The following PITPNC1 variants were observed in gnomAD, a reference collection of about 807,000 sequenced individuals.
The protein encoded by PITPNC1 is cytoplasmic phosphatidylinositol transfer protein 1.
A neutral mutation model predicts 44.7 loss-of-function variants in PITPNC1; 18 were observed. The observed-to-expected ratio is 0.40, with a 90% CI of 0.28 to 0.60. The LOEUF (loss-of-function observed/expected upper bound fraction) is 0.60, where lower values mean the gene tolerates loss of function less well. PITPNC1 is among the 20% of genes least tolerant of loss of function. The pLI is 0.39. For missense variants in PITPNC1, 290 were observed against 418.4 expected (o/e 0.69, Z 2.68); for synonymous variants, 141 against 149.6 (o/e 0.94, Z 0.42).
intron 6 of PITPNC1, among the ~76,000 whole-genome samples, chr17:67,654,776 G>C (rs2042245248): frequency 1.3e-5 from 2 of 152,280 alleles, no homozygotes; most frequent in South Asian, 4.1e-4. Context: ...GGGACAACAG[G>C]AGCGCGCCAC....
intron 1 of PITPNC1, among the ~76,000 whole-genome samples, chr17:67,518,675 G>A (rs927047721): frequency 2.0e-5 from 3 of 152,192 alleles, no homozygotes; most frequent in Admixed American, 6.5e-5. Context: ...AAAGGAAAAT[G>A]ATGGGCCAGC....
In PITPNC1 at chr17:67,694,592, T is replaced by C. The variant is rs1259831098; in HGVS notation, c.*1704T>C. On this transcript the variant is annotated 3_prime_UTR_variant, in exon 9 of 9. Coordinates refer to ENST00000581322, the MANE Select transcript of PITPNC1 (RefSeq NM_012417.4). Reference sequence around the variant, plus strand: ...CATAGGTCAGACTGTCAAGATCATTTCTTTATCTATAGGTTGATATTTAGC... The same window carrying C: ...CATAGGTCAGACTGTCAAGATCATTCCTTTATCTATAGGTTGATATTTAGC... The C allele has an allele frequency of 6.6e-6, 1 of 152,184 alleles. No homozygotes were observed. Among genetic ancestry groups the C allele is most frequent in the African/African-American group, 2.4e-5 (1 of 41,452 alleles). 9.4% of individuals were successfully genotyped at this position (152,184 alleles called of 1,614,324 possible).
intron 2 of PITPNC1, among the ~76,000 whole-genome samples, chr17:67,547,608 G>A (rs911723971): frequency 6.6e-6 from 1 of 152,146 alleles, no homozygotes; most frequent in Non-Finnish European, 1.5e-5. Flanking sequence ...ATTTAGACAC[G>A]TTTGGCCTAA....
chr17:67,442,244 T>TATATATATAC, intron 1 of PITPNC1, among the ~76,000 whole-genome samples: 1 of 122,592 alleles, frequency 8.2e-6, no homozygotes, highest in South Asian at 2.5e-4. Context: ...TATATATATA[T>TATATATATAC]ATATGCATGA....
intron 6 of PITPNC1, among the ~76,000 whole-genome samples, chr17:67,647,538 G>C (rs1007722460): frequency 3.2e-5 from 4 of 126,910 alleles, no homozygotes; most frequent in Non-Finnish European, 6.2e-5. Flanking sequence ...GGCTGGTCTC[G>C]AGCTCCTCAG....
chr17:67,423,322 G>A (rs1238427190), intron 1 of PITPNC1, among the ~76,000 whole-genome samples: 1 of 152,172 alleles, frequency 6.6e-6, no homozygotes, highest in Non-Finnish European at 1.5e-5. Flanking sequence ...TTGGAAACAT[G>A]GTGTGTTGGA....
At chr17:67,513,994 A>C (rs1239638397) in intron 1 of PITPNC1, among the ~76,000 whole-genome samples, 1 of 151,378 alleles carries the variant, frequency 6.6e-6, no homozygotes, top group Non-Finnish European at 1.5e-5. Context: ...CTCCATGATC[A>C]GGGAAAGCAA....
intron 1 of PITPNC1, among the ~76,000 whole-genome samples, chr17:67,399,890 T>C (rs2038281808): frequency 6.6e-6 from 1 of 152,200 alleles, no homozygotes; most frequent in Non-Finnish European, 1.5e-5. Context: ...AGTCAGTCCT[T>C]GCTGTGTGAT....
At chr17:67,403,407 T>C (rs748164407) in intron 1 of PITPNC1, among the ~76,000 whole-genome samples, 4 of 152,204 alleles carry the variant, frequency 2.6e-5, no homozygotes, top group Non-Finnish European at 4.4e-5. Flanking sequence ...CAGTTTAAGA[T>C]TATAATTTTG....
chr17:67,633,799 C>T (rs2041999127), intron 6 of PITPNC1, among the ~76,000 whole-genome samples: 2 of 152,246 alleles, frequency 1.3e-5, no homozygotes, highest in African/African-American at 4.8e-5. Flanking sequence ...GCCTCGGGCC[C>T]CCCCGGGCTG....
chr17:67,410,445 G>A (rs569743261), intron 1 of PITPNC1, among the ~76,000 whole-genome samples: 7 of 152,190 alleles, frequency 4.6e-5, no homozygotes, highest in South Asian at 2.1e-4. Flanking sequence ...GTGCAGTGGC[G>A]CAATCACAGC....
chr17:67,688,206 C>T (rs534347388), intron 8 of PITPNC1, among the ~76,000 whole-genome samples: 22 of 151,350 alleles, frequency 1.5e-4, no homozygotes, highest in Admixed American at 1.2e-3. Flanking sequence ...GGTGTGGTGG[C>T]GCATGCCTGT....
intron 1 of PITPNC1, among the ~76,000 whole-genome samples, chr17:67,390,545 A>T (rs554523986): frequency 6.6e-6 from 1 of 152,378 alleles, no homozygotes; most frequent in South Asian, 2.1e-4. Flanking sequence ...AGATGGTTCC[A>T]CATGGCACGT....
chr17:67,571,174 T>C (rs568663365), intron 4 of PITPNC1, among the ~76,000 whole-genome samples: 1 of 152,324 alleles, frequency 6.6e-6, no homozygotes, highest in East Asian at 1.9e-4. Flanking sequence ...CTCATGCCTA[T>C]AATACCAGCA....
chr17:67,401,406 C>G (rs2038309018), intron 1 of PITPNC1, among the ~76,000 whole-genome samples: 1 of 152,160 alleles, frequency 6.6e-6, no homozygotes, highest in South Asian at 2.1e-4. Flanking sequence ...AATACAACCT[C>G]TATGATTTTC....
At chr17:67,447,270 C>G (rs1232960426) in intron 1 of PITPNC1, among the ~76,000 whole-genome samples, 1 of 151,680 alleles carries the variant, frequency 6.6e-6, no homozygotes, top group East Asian at 1.9e-4. Flanking sequence ...GATGGAGGCC[C>G]TTTGCTTTGG....
intron 1 of PITPNC1, among the ~76,000 whole-genome samples, chr17:67,413,395 G>T (rs1021017783): frequency 1.6e-5 from 1 of 63,888 alleles, no homozygotes; most frequent in Non-Finnish European, 3.3e-5. Context: ...TTTATAATGT[G>T]CTTAATTTTC....
intron 4 of PITPNC1, among the ~76,000 whole-genome samples, chr17:67,574,745 C>T (rs953822019): frequency 2.0e-5 from 3 of 152,008 alleles, no homozygotes; most frequent in Non-Finnish European, 4.4e-5. Context: ...TCAAGACACC[C>T]GCACACCCCA....
chr17:67,681,003 A>G (rs931006293), intron 8 of PITPNC1, among the ~76,000 whole-genome samples: 1 of 152,232 alleles, frequency 6.6e-6, no homozygotes, highest in Non-Finnish European at 1.5e-5. Flanking sequence ...TTCACAGATC[A>G]TTGAATTAGA....
Sources: allele counts gnomAD v4.1 joint callset (sites outside exome capture counted in the v4.1 genomes callset), GRCh38; gene constraint gnomAD v4.1.1; transcripts MANE v1.5; gene names NCBI Gene and HGNC (gene_info 2026-07-23, HGNC 2026-07-21).